The following RBPMS variants were observed in gnomAD, a reference collection of about 807,000 sequenced individuals.
The protein encoded by RBPMS is RNA-binding protein with multiple splicing.
RBPMS carries 7 observed loss-of-function variants against 26.8 expected under a neutral mutation model. The ratio of observed to expected loss-of-function variants is 0.26; its 90% CI spans 0.15 to 0.49. RBPMS has a LOEUF of 0.49. RBPMS is among the 20% of genes least tolerant of loss of function. RBPMS has a pLI of 0.98. For missense variants in RBPMS, 186 were observed against 250.0 expected (o/e 0.74, Z 1.73); for synonymous variants, 96 against 93.3 (o/e 1.03, Z -0.17).
intron 6 of RBPMS, chr8:30,556,193 A>T: frequency 1.0e-6 from 1 of 985,386 alleles, no homozygotes. Flanking sequence ...CCGCCACCAC[A>T]TCCACTCTGA....
intron 4 of RBPMS, among the ~76,000 whole-genome samples, chr8:30,481,777 G>T (rs548048499): frequency 6.6e-6 from 1 of 152,242 alleles, no homozygotes; most frequent in Admixed American, 6.5e-5. Flanking sequence ...CATTTACTGA[G>T]CTCCTGGCTG....
At chr8:30,541,777 C>T (rs1388058923) in intron 5 of RBPMS, among the ~76,000 whole-genome samples, 2 of 152,226 alleles carry the variant, frequency 1.3e-5, no homozygotes, top group African/African-American at 2.4e-5. Flanking sequence ...GCCTTGCCTG[C>T]TCCTTCAGTG....
intron 6 of RBPMS, among the ~76,000 whole-genome samples, chr8:30,545,955 T>C (rs1825832366): frequency 6.6e-6 from 1 of 152,228 alleles, no homozygotes; most frequent in Non-Finnish European, 1.5e-5. Flanking sequence ...CAGGATTACC[T>C]GTGCCTTTGG....
At chr8:30,493,098 A>C (rs944720277) in intron 4 of RBPMS, among the ~76,000 whole-genome samples, 15 of 152,286 alleles carry the variant, frequency 9.8e-5, no homozygotes, top group Admixed American at 9.8e-4. Flanking sequence ...TAAAATTCTG[A>C]AGTTTCTTTG....
intron 5 of RBPMS, among the ~76,000 whole-genome samples, chr8:30,505,351 T>A (rs1479843774): frequency 6.6e-6 from 1 of 152,228 alleles, no homozygotes; most frequent in Non-Finnish European, 1.5e-5. Flanking sequence ...ATTTTAACTC[T>A]TCTTATTGAA....
chr8:30,537,438 G>C (rs1585805095), intron 5 of RBPMS: 1 of 384,598 alleles, frequency 2.6e-6, no homozygotes, highest in East Asian at 7.4e-5. Context: ...GTTTGTATCA[G>C]AGAAATAGTG....
At chr8:30,467,164 A>T (rs1816597802) in intron 1 of RBPMS, among the ~76,000 whole-genome samples, 1 of 152,232 alleles carries the variant, frequency 6.6e-6, no homozygotes, top group Non-Finnish European at 1.5e-5. Flanking sequence ...TGGTTGCAGT[A>T]ATCCATTTTC....
At chr8:30,523,175 GAGACCAGCCTGCCCAACAT>G in intron 5 of RBPMS, among the ~76,000 whole-genome samples, 1 of 152,224 alleles carries the variant, frequency 6.6e-6, no homozygotes. Flanking sequence ...TCAGGAGTTT[GAGACCAGCCTGCCCAACAT>G]GGCAAAACCC....
At position 30,560,994 on chromosome 8, in the gene RBPMS, T is replaced by C. The variant is rs1827425658; in HGVS notation, c.*7+2038T>C. 2.0e-5 allele frequency among the ~76,000 whole-genome samples: 3 copies of C among 152,224 alleles called. No individual in the cohort carries two copies. The South Asian group carries it at 6.2e-4, about 32-fold the overall frequency. ...TCTTGTACTACTTGTTTGTCCCTTATTCTGAAATTACATGTCGTGTGTGTG... is the reference window on the plus strand; with the variant it reads ...TCTTGTACTACTTGTTTGTCCCTTACTCTGAAATTACATGTCGTGTGTGTG... On this transcript the variant is annotated intron_variant, in intron 7 of 8. Coordinates refer to ENST00000397323, the MANE Select transcript of RBPMS (RefSeq NM_001008710.3).
chr8:30,386,509 G>T (rs1175290597), intron 1 of RBPMS, among the ~76,000 whole-genome samples: 1 of 152,142 alleles, frequency 6.6e-6, no homozygotes, highest in Non-Finnish European at 1.5e-5. Flanking sequence ...TATTATAAAA[G>T]ACTATTTGAA....
intron 1 of RBPMS, among the ~76,000 whole-genome samples, chr8:30,459,631 T>C (rs1815662739): frequency 6.6e-6 from 1 of 152,174 alleles, no homozygotes; most frequent in African/African-American, 2.4e-5. Context: ...CCTTGTACAC[T>C]TTCATTTCAT....
intron 1 of RBPMS, among the ~76,000 whole-genome samples, chr8:30,389,803 T>C (rs1807571159): frequency 6.6e-6 from 1 of 152,070 alleles, no homozygotes; most frequent in South Asian, 2.1e-4. Context: ...ATATGTATTA[T>C]ATATAAATTC....
At chr8:30,393,841 A>T (rs1459145415) in intron 1 of RBPMS, among the ~76,000 whole-genome samples, 1 of 150,142 alleles carries the variant, frequency 6.7e-6, no homozygotes, top group African/African-American at 2.5e-5. Context: ...TATTCAATTT[A>T]TACTTTAAAA....
At chr8:30,514,679 G>GTTTTTTT in intron 5 of RBPMS, among the ~76,000 whole-genome samples, 1 of 13,558 alleles carries the variant, frequency 7.4e-5, no homozygotes, top group Non-Finnish European at 2.1e-4. Flanking sequence ...ACCATGCCGG[G>GTTTTTTT]CTTTTTTTTT....
intron 5 of RBPMS, 32 bp from the exon 6 acceptor site, chr8:30,544,462 C>A (rs1295277845): frequency 6.2e-7 from 1 of 1,605,864 alleles, no homozygotes; most frequent in Non-Finnish European, 8.5e-7. Flanking sequence ...TGTATGGTAA[C>A]CACTAACTCT....
At chr8:30,410,110 T>G (rs943868549) in intron 1 of RBPMS, among the ~76,000 whole-genome samples, 7 of 147,266 alleles carry the variant, frequency 4.8e-5, no homozygotes, top group Non-Finnish European at 1.0e-4. Context: ...ACTTAAACAT[T>G]TTGGCAAAGC....
At chr8:30,442,112 T>C (rs1813149059) in intron 1 of RBPMS, among the ~76,000 whole-genome samples, 1 of 152,076 alleles carries the variant, frequency 6.6e-6, no homozygotes, top group Non-Finnish European at 1.5e-5. Flanking sequence ...TTGTTTCTTT[T>C]TGTATAGTCT....
At chr8:30,410,726 T>G (rs950239912) in intron 1 of RBPMS, among the ~76,000 whole-genome samples, 1 of 151,588 alleles carries the variant, frequency 6.6e-6, no homozygotes, top group Non-Finnish European at 1.5e-5. Flanking sequence ...TCCTTTTTTT[T>G]TTTTTTTGTT....
intron 4 of RBPMS, among the ~76,000 whole-genome samples, chr8:30,502,425 G>A (rs943807742): frequency 2.0e-5 from 3 of 152,170 alleles, no homozygotes; most frequent in Non-Finnish European, 4.4e-5. Flanking sequence ...CCACAACTAG[G>A]TCCCAGGATA....
Sources: allele counts gnomAD v4.1 joint callset (sites outside exome capture counted in the v4.1 genomes callset), GRCh38; gene constraint gnomAD v4.1.1; transcripts MANE v1.5; gene names NCBI Gene and HGNC (gene_info 2026-07-23, HGNC 2026-07-21).